The following GATA2 variants were observed in gnomAD, a reference collection of about 807,000 sequenced individuals.
GATA2 encodes the protein GATA binding protein 2, also known as endothelial transcription factor GATA-2.
GATA2 carries 6 observed loss-of-function variants against 35.7 expected under a neutral mutation model. That is an observed-to-expected ratio of 0.17 (90% CI 0.09 to 0.33). The LOEUF is 0.33. GATA2 is among the 10% of genes least tolerant of loss of function. The pLI, the probability that GATA2 is intolerant of heterozygous loss-of-function variation, is 1.00. For synonymous variants in GATA2, 313 were observed against 274.9 expected (o/e 1.14, Z -1.37); for missense variants, 541 against 656.6 (o/e 0.82, Z 1.92).
At chr3:128,486,435 C>T in intron 2 of GATA2, 67 bp from the exon 3 acceptor site, 1 of 1,547,362 alleles carries the variant, frequency 6.5e-7, no homozygotes, top group Non-Finnish European at 8.7e-7. Flanking sequence ...TAGGGACGCC[C>T]CTGACAGACA....
chr3:128,486,744 C>T (rs2068704843), intron 2 of GATA2, 59 bp downstream of exon 2: 1 of 1,480,650 alleles, frequency 6.8e-7, no homozygotes, highest in African/African-American at 1.4e-5. Context: ...GGGCCCTCCT[C>T]CCCTCCCTCG....
intron 2 of GATA2, 84 bp from the exon 3 acceptor site, chr3:128,486,452 T>A: frequency 6.6e-7 from 1 of 1,505,452 alleles, no homozygotes; most frequent in East Asian, 2.3e-5. Flanking sequence ...GACATTGAGA[T>A]CACGACTCCC....
intron 4 of GATA2, among the ~76,000 whole-genome samples, chr3:128,483,499 G>A (rs771858972): frequency 6.6e-6 from 1 of 152,286 alleles, no homozygotes; most frequent in Non-Finnish European, 1.5e-5. Flanking sequence ...GCTTGTGAGC[G>A]GGGCTGTCGG....
intron 1 of GATA2, among the ~76,000 whole-genome samples, chr3:128,491,223 TG>T (rs2068764676): frequency 2.5e-5 from 2 of 79,664 alleles, no homozygotes; most frequent in East Asian, 3.2e-4. Context: ...CCCCCCCCTC[TG>T]AGCCCTTTGT....
chr3:128,483,836 C>T (rs2068660585), intron 4 of GATA2, 24 bp downstream of exon 4: 2 of 1,614,140 alleles, frequency 1.2e-6, no homozygotes, highest in Non-Finnish European at 1.7e-6. Flanking sequence ...CAGCCCCCTC[C>T]CAGCCACCTG....
Position 128,479,571 on chromosome 3 carries a change from A to G in GATA2, c.*1448T>C. 4.3e-6 allele frequency: 1 copy of G among 233,594 alleles called. No individual in the cohort carries two copies. The highest frequency in any genetic ancestry group is 8.5e-6 in the Non-Finnish European group (1 of 117,958). The allele number at this position is 233,594 out of a possible 1,614,324, so 14.5% of individuals were successfully genotyped here. A position where few individuals can be genotyped will look rare whatever the true frequency, so the allele number is the denominator to read the frequency against. ...TAATCCAAAATAAAACAAGCCAAATAAAACATAAAAACAGAAAATACTGCC... is the reference window on the plus strand; with the variant it reads ...TAATCCAAAATAAAACAAGCCAAATGAAACATAAAAACAGAAAATACTGCC... On this transcript the variant is annotated 3_prime_UTR_variant, in exon 6 of 6. Coordinates refer to ENST00000341105, the MANE Select transcript of GATA2 (RefSeq NM_032638.5).
At chr3:128,482,227 C>A (rs994008270) in intron 4 of GATA2, 18 of 478,522 alleles carry the variant, frequency 3.8e-5, no homozygotes, top group African/African-American at 3.5e-4. Flanking sequence ...AACTACCCTG[C>A]GCTCTAACTC....
chr3:128,485,207 G>A (rs1402809257), intron 3 of GATA2, among the ~76,000 whole-genome samples: 2 of 152,168 alleles, frequency 1.3e-5, no homozygotes, highest in Non-Finnish European at 1.5e-5. Flanking sequence ...AATCTCCCGA[G>A]GAGATCAGGG....
chr3:128,486,101 G>C lies in GATA2; in HGVS notation c.497C>G (p.Ser166Cys), dbSNP rs777283796. The change falls in exon 3 of 6, where the codon TCT (serine) becomes TGT (cysteine). Residue 166 changes from serine to cysteine, a missense_variant. Physicochemically the swap from Ser to Cys is moderately radical, Grantham distance 112. Coordinates refer to ENST00000341105, the MANE Select transcript of GATA2 (RefSeq NM_032638.5). ...TGGGAAGCCGAAAAGGTGGGAGCCA[G>C]AGTGGGCTGCTGTAGGGGTGAGGGA... ...VASLTPTAAH[S>C]GSHLFGFPPT... 4 of 1,613,680 alleles carry C rather than the reference G, an allele frequency of 2.5e-6. No individual in the cohort carries two copies. The highest frequency in any genetic ancestry group is 3.4e-6 in the Non-Finnish European group (4 of 1,179,916).
chr3:128,482,875 T>C (rs2068648323), intron 4 of GATA2, among the ~76,000 whole-genome samples: 1 of 152,184 alleles, frequency 6.6e-6, no homozygotes. Context: ...CCCAGAGAAC[T>C]GCAGGCGGGA....
In GATA2 at chr3:128,484,162, C is replaced by T. The variant is rs1341812984; in HGVS notation, c.872-157G>A. Among the ~76,000 whole-genome samples the T allele has an allele frequency of 1.5e-4, 23 of 152,200 alleles. 1 individual carries two copies. Among genetic ancestry groups the T allele is most frequent in the Admixed American group, 1.5e-3 (23 of 15,282 alleles). On this transcript the variant is annotated intron_variant, in intron 3 of 5. Coordinates refer to ENST00000341105, the MANE Select transcript of GATA2 (RefSeq NM_032638.5). The stretch of plus-strand genomic sequence containing the variant: ...GCAACAGCCTGGGCAGGAAGAGGGA[C>T]GAGAGGGTCTCCCACATGGGAGGGG...
intron 1 of GATA2, chr3:128,487,684 C>CA (rs1295206948): frequency 6.6e-6 from 1 of 152,642 alleles, no homozygotes; most frequent in African/African-American, 2.4e-5. Flanking sequence ...CCCAGGCCCC[C>CA]AGCCGGCTCT....
intron 5 of GATA2, 151 bp downstream of exon 5, chr3:128,481,668 C>CT (rs1325193701): frequency 3.1e-5 from 29 of 942,922 alleles, no homozygotes; most frequent in Non-Finnish European, 3.9e-5. Context: ...CAAGGCACCC[C>CT]TCTTACGGGA....
intron 4 of GATA2, 148 bp downstream of exon 4, chr3:128,483,712 C>T (rs1244911449): frequency 6.2e-6 from 7 of 1,123,322 alleles, no homozygotes; most frequent in South Asian, 2.8e-5. Context: ...GAAAGAGAGA[C>T]GACCCCAACT....
intron 1 of GATA2, among the ~76,000 whole-genome samples, 195 bp from the exon 2 acceptor site, chr3:128,487,271 T>C (rs1392400220): frequency 6.6e-6 from 1 of 152,144 alleles, no homozygotes. Flanking sequence ...CACACTCACG[T>C]GGTGACCCGC....
At position 128,486,822 on chromosome 3, in the gene GATA2, G is replaced by C; in HGVS notation, c.210C>G (p.Val70=). 6.2e-7 allele frequency: 1 copy of C among 1,608,528 alleles called. No individual in the cohort carries two copies. Among genetic ancestry groups the C allele is most frequent in the Non-Finnish European group, 8.5e-7 (1 of 1,178,248 alleles). The change falls in exon 2 of 6, where the codon GTC becomes GTG. Residue 70 remains valine (V), a synonymous_variant. Transcript: ENST00000341105. The part of the protein sequence containing the change: ...YANPAHARAR[V]SYSPAHARLT... The stretch of plus-strand genomic sequence containing the variant: ...GCTCACCGTGCGCGGGGCTGTAGGA[G>C]ACGCGCGCCCGCGCGTGAGCGGGGT...
Position 128,491,207 on chromosome 3 carries a change from AGC to A in GATA2, c.-46+1690_-46+1691del, listed in dbSNP as rs781418620. On this transcript the variant is annotated intron_variant, in intron 1 of 5. Coordinates refer to ENST00000341105, the MANE Select transcript of GATA2 (RefSeq NM_032638.5). ...GATGCCCAGGTCTCCCCGGCCGTCC[AGC>A]CCCCCCCCCCCTCTGAGCCCTTTGT... 2.8e-4 allele frequency among the ~76,000 whole-genome samples: 7 copies of A among 24,674 alleles called. No homozygotes were observed. The South Asian group carries it at 8.5e-3, about 30-fold the overall frequency. The allele number at this position is 24,674 out of a possible 152,430, so 16.2% of individuals were successfully genotyped here.
At chr3:128,486,675 C>T (rs1002922945) in intron 2 of GATA2, 128 bp downstream of exon 2, 3 of 1,034,472 alleles carry the variant, frequency 2.9e-6, no homozygotes, top group Non-Finnish European at 4.3e-6. Flanking sequence ...CCACCTCTCC[C>T]GCCCCAATTT....
Position 128,491,218 on chromosome 3 carries a change from C to G in GATA2, c.-46+1681G>C, listed in dbSNP as rs1055489411. Reference sequence around the variant, plus strand: ...CTCCCCGGCCGTCCAGCCCCCCCCCCCCTCTGAGCCCTTTGTTTAAAGTTA... The same window carrying G: ...CTCCCCGGCCGTCCAGCCCCCCCCCGCCTCTGAGCCCTTTGTTTAAAGTTA... On this transcript the variant is annotated intron_variant, in intron 1 of 5. Coordinates refer to ENST00000341105, the MANE Select transcript of GATA2 (RefSeq NM_032638.5). Among the ~76,000 whole-genome samples the G allele has an allele frequency of 2.9e-3, 372 of 128,028 alleles. 23 individuals are homozygous for G. The highest frequency in any genetic ancestry group is 9.6e-3 in the African/African-American group (312 of 32,572). The allele number at this position is 128,028 out of a possible 152,430, so 84.0% of individuals were successfully genotyped here.
Sources: allele counts gnomAD v4.1 joint callset (sites outside exome capture counted in the v4.1 genomes callset), GRCh38; gene constraint gnomAD v4.1.1; transcripts MANE v1.5; gene names NCBI Gene and HGNC (gene_info 2026-07-23, HGNC 2026-07-21).